Variants in MAF observed in about 807,000 individuals in gnomAD.
MAF encodes the protein transcription factor Maf.
A neutral mutation model predicts 22.0 loss-of-function variants in MAF; 10 were observed. The observed-to-expected ratio is 0.45, with a 90% CI of 0.28 to 0.77. The LOEUF (loss-of-function observed/expected upper bound fraction) is 0.77. Ranked by LOEUF, MAF falls within the 30% of genes least tolerant of loss-of-function variation. MAF has a pLI of 0.12. For missense variants in MAF, 544 were observed against 548.4 expected, an observed-to-expected ratio of 0.99 and a Z score of 0.08; for synonymous variants, 337 against 255.8, an observed-to-expected ratio of 1.32 and a Z score of -3.03.
chr16:79,395,917 C>T, the MAF span, among the ~76,000 whole-genome samples: 3 of 152,144 alleles, frequency 2.0e-5, no homozygotes, highest in Admixed American at 6.5e-5. Context: ...CAGAAGAGAA[C>T]GAGAAGAAAA....
chr16:79,233,884 C>T, the MAF span, among the ~76,000 whole-genome samples: 16 of 151,326 alleles, frequency 1.1e-4, no homozygotes, highest in East Asian at 3.1e-3. Flanking sequence ...CCCAGCTACT[C>T]AGGAGGCTGA....
At chr16:79,339,216 C>A in the MAF span, among the ~76,000 whole-genome samples, 2 of 150,748 alleles carry the variant, frequency 1.3e-5, no homozygotes, top group African/African-American at 5.0e-5. Context: ...ACTACAGGCA[C>A]CCGCCACCAC....
chr16:79,376,105 G>A, the MAF span, among the ~76,000 whole-genome samples: 1 of 120,432 alleles, frequency 8.3e-6, no homozygotes, highest in East Asian at 2.1e-4. Flanking sequence ...AAGTATTGTT[G>A]GAGAGAAAAA....
chr16:79,549,558 G>C, the MAF span, among the ~76,000 whole-genome samples: 3 of 152,186 alleles, frequency 2.0e-5, no homozygotes, highest in African/African-American at 7.2e-5. Context: ...CTGGCCCTTG[G>C]CATGGCCAGT....
chr16:79,326,600 G>A, the MAF span, among the ~76,000 whole-genome samples: 1 of 152,174 alleles, frequency 6.6e-6, no homozygotes, highest in Non-Finnish European at 1.5e-5. Context: ...TTCTGTAAAA[G>A]GCCAGATAAC....
At chr16:79,352,235 GAAT>G in the MAF span, among the ~76,000 whole-genome samples, 1 of 152,186 alleles carries the variant, frequency 6.6e-6, no homozygotes. Flanking sequence ...CTCCGGGCAA[GAAT>G]AATGTCACGG....
the MAF span, among the ~76,000 whole-genome samples, chr16:79,260,179 C>T: frequency 0.012 from 1,858 of 152,330 alleles, 44 homozygotes; most frequent in African/African-American, 0.042. Context: ...GAGACAGGGT[C>T]TCACTCTGTT....
chr16:79,509,466 G>C, the MAF span, among the ~76,000 whole-genome samples: 1 of 152,240 alleles, frequency 6.6e-6, no homozygotes, highest in Non-Finnish European at 1.5e-5. Context: ...AGCTTGGCTG[G>C]CAAGGATGTT....
chr16:79,229,768 T>C, the MAF span, among the ~76,000 whole-genome samples: 2 of 151,968 alleles, frequency 1.3e-5, no homozygotes, highest in East Asian at 1.9e-4. Context: ...CGGGATTCCT[T>C]CTCTTCACTT....
chr16:79,437,138 CTCTCTCTCTGTGTGTGTG>C, the MAF span, among the ~76,000 whole-genome samples: 53 of 21,706 alleles, frequency 2.4e-3, no homozygotes, highest in Admixed American at 0.029. Flanking sequence ...AGAAAGCTCT[CTCTCTCTCTGTGTGTGTG>C]TGTGTGTGTG....
chr16:79,479,380 A>G, the MAF span, among the ~76,000 whole-genome samples: 3 of 152,316 alleles, frequency 2.0e-5, no homozygotes, highest in Non-Finnish European at 2.9e-5. Flanking sequence ...TTTCCCGGAT[A>G]TGTGTTTTCT....
the MAF span, among the ~76,000 whole-genome samples, chr16:79,408,441 G>T: frequency 6.6e-6 from 1 of 152,122 alleles, no homozygotes; most frequent in East Asian, 1.9e-4. Flanking sequence ...CTCCCAAAGC[G>T]CTGGGATTAC....
the MAF span, among the ~76,000 whole-genome samples, chr16:79,548,527 A>C: frequency 3.2e-4 from 48 of 152,364 alleles, no homozygotes; most frequent in South Asian, 3.5e-3. Flanking sequence ...ACAATTCTAC[A>C]AGAAAGTGTT....
At chr16:79,505,189 A>G in the MAF span, among the ~76,000 whole-genome samples, 4 of 152,200 alleles carry the variant, frequency 2.6e-5, no homozygotes, top group Non-Finnish European at 5.9e-5. Flanking sequence ...CTGCTTCACA[A>G]AATTTTGTAA....
the MAF span, among the ~76,000 whole-genome samples, chr16:79,421,638 A>ATTTT: frequency 2.8e-5 from 4 of 144,782 alleles, no homozygotes; most frequent in African/African-American, 1.0e-4. Flanking sequence ...AAGAAAAGTG[A>ATTTT]TTTTTTTTTT....
the MAF span, among the ~76,000 whole-genome samples, chr16:79,268,920 C>A: frequency 1.3e-5 from 2 of 152,144 alleles, no homozygotes; most frequent in Non-Finnish European, 2.9e-5. Flanking sequence ...TCTTTCTCTG[C>A]CTGATAAATG....
the MAF span, among the ~76,000 whole-genome samples, chr16:79,495,439 G>C: frequency 3.3e-5 from 5 of 152,276 alleles, 1 homozygote. Context: ...CTCCAGACTA[G>C]GTGACAGAAC....
the MAF span, among the ~76,000 whole-genome samples, chr16:79,239,571 A>G: frequency 6.6e-6 from 1 of 152,068 alleles, no homozygotes; most frequent in South Asian, 2.1e-4. Context: ...CATCACCTCC[A>G]CAGGGAGGCA....
chr16:79,310,271 G>A, the MAF span, among the ~76,000 whole-genome samples: 1,056 of 152,210 alleles, frequency 6.9e-3, 16 homozygotes, highest in African/African-American at 0.024. Flanking sequence ...TGTAGGGAGG[G>A]AAAAGTTAGT....
Sources: gnomAD v4.1 joint callset for allele counts (sites outside exome capture counted in the v4.1 genomes callset) on GRCh38, gnomAD v4.1.1 for gene constraint, MANE v1.5 for transcripts, NCBI Gene and HGNC (gene_info 2026-07-23, HGNC 2026-07-21) for gene names.